TBL1XR1: variants seen among roughly 807,000 people sequenced by gnomAD.
The protein encoded by TBL1XR1 is F-box-like/WD repeat-containing protein TBL1XR1.
A neutral mutation model predicts 66.9 loss-of-function variants in TBL1XR1; 5 were observed. That is an observed-to-expected ratio of 0.07 (90% CI 0.04 to 0.16). TBL1XR1 has a LOEUF of 0.16. Among genes scored for constraint, TBL1XR1 ranks in the 10% least tolerant of loss-of-function variants. The pLI is 1.00. For synonymous variants in TBL1XR1, 210 were observed against 206.0 expected, an observed-to-expected ratio of 1.02 and a Z score of -0.17; for missense variants, 238 against 623.2, an observed-to-expected ratio of 0.38 and a Z score of 6.58.
chr3:177,147,358 T>C (rs765078129), intron 1 of TBL1XR1, among the ~76,000 whole-genome samples: 2 of 152,168 alleles, frequency 1.3e-5, no homozygotes, highest in Non-Finnish European at 2.9e-5. Context: ...CAAGTAAAAC[T>C]TCGTTTACTA....
At chr3:177,073,570 T>C (rs1356104642) in intron 2 of TBL1XR1, among the ~76,000 whole-genome samples, 4 of 152,198 alleles carry the variant, frequency 2.6e-5, no homozygotes, top group African/African-American at 9.7e-5. Flanking sequence ...GATTCAATCA[T>C]TTTACTTAAA....
chr3:177,091,335 T>G (rs749584941), intron 2 of TBL1XR1, among the ~76,000 whole-genome samples: 1 of 152,174 alleles, frequency 6.6e-6, no homozygotes, highest in Non-Finnish European at 1.5e-5. Context: ...ACATGTACTT[T>G]ATATGTCATT....
intron 1 of TBL1XR1, among the ~76,000 whole-genome samples, chr3:177,103,977 A>G (rs1724548317): frequency 6.6e-6 from 1 of 151,952 alleles, no homozygotes; most frequent in Non-Finnish European, 1.5e-5. Context: ...TTAGCCAGGT[A>G]TGGTGGCAGA....
At chr3:177,143,364 T>C (rs1420174522) in intron 1 of TBL1XR1, among the ~76,000 whole-genome samples, 1 of 151,206 alleles carries the variant, frequency 6.6e-6, no homozygotes, top group African/African-American at 2.4e-5. Context: ...ATGACAAAAA[T>C]CAACTGTATC....
At position 177,020,109 on chromosome 3, in the gene TBL1XR1, ACTAG is replaced by A. The variant is rs1382675040; in HGVS notation, c.*5385_*5388del. The A allele has an allele frequency of 1.3e-5, 2 of 152,126 alleles. No individual in the cohort carries two copies. The highest frequency in any genetic ancestry group is 2.4e-5 in the African/African-American group (1 of 41,450). 9.4% of individuals were successfully genotyped at this position (152,126 alleles called of 1,614,324 possible). On this transcript the variant is annotated 3_prime_UTR_variant, in exon 16 of 16. Transcript: ENST00000457928. ...TTTTCTTATAAAGTTTGTAGTAACA[ACTAG>A]CTAAGAGAGAAAATGATTCAACTAT...
chr3:177,106,863 T>C (rs1454368738), intron 1 of TBL1XR1, among the ~76,000 whole-genome samples: 2 of 152,084 alleles, frequency 1.3e-5, no homozygotes, highest in African/African-American at 2.4e-5. Context: ...ACTAAGGCTA[T>C]TGAATCCAGG....
At position 177,058,282 on chromosome 3, in the gene TBL1XR1, C is replaced by T. The variant is rs79784456; in HGVS notation, c.59-4364G>A. On this transcript the variant is annotated intron_variant, in intron 3 of 15. Transcript: ENST00000457928. The stretch of plus-strand genomic sequence containing the variant: ...CTCATCATCAAATGCTTTCTTGACT[C>T]CAACTCTGCCCTACAGATCCAGATT... Among the ~76,000 whole-genome samples, 550 of 152,288 alleles carry T rather than the reference C, an allele frequency of 3.6e-3. 1 individual carries two copies. The highest frequency in any genetic ancestry group is 6.4e-3 in the Non-Finnish European group (438 of 68,030).
chr3:177,028,271 T>G (rs1425273729), intron 14 of TBL1XR1, among the ~76,000 whole-genome samples: 1 of 130,154 alleles, frequency 7.7e-6, no homozygotes, highest in African/African-American at 2.7e-5. Context: ...CACTGAAAAT[T>G]CACTGTTTTA....
At position 177,025,142 on chromosome 3, in the gene TBL1XR1, A is replaced by G. The variant is rs1712926309; in HGVS notation, c.*356T>C. 3 of 229,914 alleles carry G rather than the reference A, an allele frequency of 1.3e-5. No homozygotes were observed. The South Asian group carries it at 4.7e-4, about 36-fold the overall frequency. The allele number at this position is 229,914 out of a possible 1,614,324, so 14.2% of individuals were successfully genotyped here. A position where few individuals can be genotyped will look rare whatever the true frequency, so the allele number is the denominator to read the frequency against. On this transcript the variant is annotated 3_prime_UTR_variant, in exon 16 of 16. Transcript: ENST00000457928. Reference sequence around the variant, plus strand: ...TAATCCATGGTGTCTGCTGATTCAAAGGGGAGAAACAAGGCTGTCATTTAG... The same window carrying G: ...TAATCCATGGTGTCTGCTGATTCAAGGGGGAGAAACAAGGCTGTCATTTAG...
intron 1 of TBL1XR1, among the ~76,000 whole-genome samples, chr3:177,149,011 AAG>A (rs1262521269): frequency 3.5e-5 from 2 of 57,076 alleles, no homozygotes; most frequent in Non-Finnish European, 9.1e-5. Flanking sequence ...CTCAAAAAAA[AAG>A]AAAAGAAAAG....
At chr3:177,044,924 A>C (rs1370493101) in intron 10 of TBL1XR1, 1 of 152,172 alleles carries the variant, frequency 6.6e-6, no homozygotes, top group African/African-American at 2.4e-5. Flanking sequence ...TATGATTAAC[A>C]GCCAAGAAGC....
At chr3:177,174,987 C>T (rs576721760) in intron 1 of TBL1XR1, among the ~76,000 whole-genome samples, 4 of 152,172 alleles carry the variant, frequency 2.6e-5, no homozygotes, top group African/African-American at 9.7e-5. Flanking sequence ...AAAAACTGTA[C>T]GCTAGACATA....
chr3:177,082,063 A>C (rs1241597668), intron 2 of TBL1XR1, among the ~76,000 whole-genome samples: 1 of 152,162 alleles, frequency 6.6e-6, no homozygotes, highest in Non-Finnish European at 1.5e-5. Flanking sequence ...TACCATCTCC[A>C]AAGTCAGCAT....
intron 1 of TBL1XR1, among the ~76,000 whole-genome samples, chr3:177,121,053 G>A (rs1726923287): frequency 6.6e-6 from 1 of 152,134 alleles, no homozygotes; most frequent in Non-Finnish European, 1.5e-5. Flanking sequence ...TCCTTTCTAA[G>A]AGCCAGGACT....
intron 1 of TBL1XR1, among the ~76,000 whole-genome samples, chr3:177,156,165 CAAAAAAA>C (rs60079156): frequency 4.0e-5 from 2 of 49,996 alleles, no homozygotes; most frequent in East Asian, 5.5e-4. Context: ...TCTACTCTAC[CAAAAAAA>C]AAAAAAAAAA....
chr3:177,186,349 T>C (rs1314008514), intron 1 of TBL1XR1, among the ~76,000 whole-genome samples: 1 of 152,202 alleles, frequency 6.6e-6, no homozygotes, highest in Non-Finnish European at 1.5e-5. Context: ...CAGCTACAAA[T>C]CGTATCCTAA....
intron 1 of TBL1XR1, among the ~76,000 whole-genome samples, chr3:177,156,518 T>TAG (rs1553858990): frequency 1.4e-5 from 2 of 139,706 alleles, no homozygotes; most frequent in African/African-American, 5.3e-5. Context: ...TATATATACA[T>TAG]ACACACACAC....
At chr3:177,099,905 TATAA>T (rs1300704876) in intron 1 of TBL1XR1, among the ~76,000 whole-genome samples, 1 of 152,252 alleles carries the variant, frequency 6.6e-6, no homozygotes, top group African/African-American at 2.4e-5. Flanking sequence ...TCAATTTATT[TATAA>T]ATAATTAACA....
intron 2 of TBL1XR1, among the ~76,000 whole-genome samples, chr3:177,071,031 GT>G (rs764951521): frequency 0.13 from 13,641 of 104,626 alleles, 890 homozygotes; most frequent in South Asian, 0.2. Context: ...CTGAGAATCT[GT>G]TTTTTTTTTT....
Sources: allele counts gnomAD v4.1 joint callset (sites outside exome capture counted in the v4.1 genomes callset), GRCh38; gene constraint gnomAD v4.1.1; transcripts MANE v1.5; gene names NCBI Gene and HGNC (gene_info 2026-07-23, HGNC 2026-07-21).